Variants in PAPSS1 observed in about 807,000 individuals in gnomAD.
PAPSS1 encodes 3'-phosphoadenosine 5'-phosphosulfate synthase 1, also known as bifunctional 3'-phosphoadenosine 5'-phosphosulfate synthase 1.
In PAPSS1, 50 loss-of-function variants were observed where a neutral mutation model predicts 72.0. The observed-to-expected ratio is 0.69, with a 90% CI of 0.55 to 0.88. The LOEUF is 0.88. Among genes scored for constraint, PAPSS1 ranks in the 40% least tolerant of loss-of-function variants. The pLI is 0.00. For missense variants in PAPSS1, 657 were observed against 782.2 expected (o/e 0.84, Z 1.91); for synonymous variants, 261 against 263.6 (o/e 0.99, Z 0.09).
At chr4:107,685,743 G>GC (rs1259559956) in intron 4 of PAPSS1, among the ~76,000 whole-genome samples, 1 of 152,174 alleles carries the variant, frequency 6.6e-6, no homozygotes, top group Non-Finnish European at 1.5e-5. Flanking sequence ...TGACCTAATT[G>GC]CCAAAGCATT....
intron 5 of PAPSS1, among the ~76,000 whole-genome samples, chr4:107,673,039 T>A (rs1029048553): frequency 6.6e-6 from 1 of 152,050 alleles, no homozygotes; most frequent in Non-Finnish European, 1.5e-5. Context: ...AGAAAGGACA[T>A]CCACACCAAA....
intron 5 of PAPSS1, among the ~76,000 whole-genome samples, chr4:107,670,540 T>A (rs1327405690): frequency 1.3e-5 from 2 of 152,186 alleles, no homozygotes; most frequent in Non-Finnish European, 2.9e-5. Flanking sequence ...GCATTTTATT[T>A]TATTTATTTT....
chr4:107,645,688 T>G (rs1363063089), intron 9 of PAPSS1, among the ~76,000 whole-genome samples: 3 of 152,202 alleles, frequency 2.0e-5, no homozygotes, highest in Admixed American at 2.0e-4. Flanking sequence ...ACTGGTTAAC[T>G]CCTTATCTCC....
chr4:107,661,011 A>G (rs1727166494), intron 5 of PAPSS1, among the ~76,000 whole-genome samples: 1 of 152,226 alleles, frequency 6.6e-6, no homozygotes, highest in Admixed American at 6.5e-5. Context: ...AAACTCACCA[A>G]TAAGAAAATG....
chr4:107,719,552 A>G (rs953953269), intron 1 of PAPSS1, among the ~76,000 whole-genome samples: 1 of 152,228 alleles, frequency 6.6e-6, no homozygotes, highest in Non-Finnish European at 1.5e-5. Context: ...AAAGAACCTC[A>G]GTTCAGGGCA....
chr4:107,621,430 A>C (rs1013994241), intron 11 of PAPSS1, among the ~76,000 whole-genome samples: 2 of 152,022 alleles, frequency 1.3e-5, no homozygotes, highest in African/African-American at 4.8e-5. Flanking sequence ...TTGGTGACAT[A>C]GGTGTTAATT....
intron 5 of PAPSS1, 62 bp from the exon 6 acceptor site, chr4:107,660,134 G>T: frequency 1.2e-6 from 1 of 824,400 alleles, no homozygotes; most frequent in South Asian, 1.7e-5. Context: ...TCACCAAAGG[G>T]TATCTTAATG....
chr4:107,640,371 C>G (rs558655399), intron 10 of PAPSS1, among the ~76,000 whole-genome samples: 11 of 152,280 alleles, frequency 7.2e-5, no homozygotes, highest in African/African-American at 2.6e-4. Flanking sequence ...ATAGGCTTAA[C>G]AGCTGCCCAT....
intron 11 of PAPSS1, 33 bp from the exon 12 acceptor site, chr4:107,614,420 T>C (rs369211164): frequency 3.2e-6 from 5 of 1,557,142 alleles, no homozygotes; most frequent in Non-Finnish European, 4.4e-6. Flanking sequence ...AATTATTTCA[T>C]AATTTTAGAA....
Position 107,651,535 on chromosome 4 carries a change from G to A in PAPSS1, c.1237+1956C>T, listed in dbSNP as rs188795170. 1.5e-3 allele frequency among the ~76,000 whole-genome samples: 231 copies of A among 152,256 alleles called. 1 individual carries two copies. The highest frequency in any genetic ancestry group is 0.013 in the South Asian group (65 of 4,822). On this transcript the variant is annotated intron_variant, in intron 9 of 11. Coordinates refer to ENST00000265174, the MANE Select transcript of PAPSS1 (RefSeq NM_005443.5). The stretch of plus-strand genomic sequence containing the variant: ...TTCCACACAGCTGGGGAGGCCTCAG[G>A]AAACTTACAATCATGGTGGAAGGGG...
At chr4:107,651,681 G>A (rs1726843838) in intron 9 of PAPSS1, among the ~76,000 whole-genome samples, 1 of 152,080 alleles carries the variant, frequency 6.6e-6, no homozygotes, top group Non-Finnish European at 1.5e-5. Context: ...ATAGCATGGG[G>A]GAAGCCACCC....
intron 6 of PAPSS1, among the ~76,000 whole-genome samples, chr4:107,659,323 G>A (rs891891554): frequency 1.3e-5 from 2 of 151,834 alleles, no homozygotes; most frequent in African/African-American, 4.8e-5. Context: ...CACTTCCTTG[G>A]GTATTTTGGA....
At chr4:107,717,334 A>G (rs745484948) in intron 1 of PAPSS1, among the ~76,000 whole-genome samples, 6 of 151,778 alleles carry the variant, frequency 4.0e-5, no homozygotes, top group Non-Finnish European at 8.8e-5. Flanking sequence ...CAGGTTTAAA[A>G]TGGGTCCAGC....
rs376071785 is a variant in PAPSS1 at position 107,694,790 on chromosome 4, T to A, written c.176-784A>T. 4.1e-4 allele frequency among the ~76,000 whole-genome samples: 62 copies of A among 152,312 alleles called. 1 individual carries two copies. Among genetic ancestry groups the A allele is most frequent in the African/African-American group, 1.4e-3 (59 of 41,578 alleles). On this transcript the variant is annotated intron_variant, in intron 2 of 11. Transcript: ENST00000265174. The stretch of plus-strand genomic sequence containing the variant: ...ACCTTCCTATACCAACAGTATTTAC[T>A]CAGTAAACAAAGAGAAGGAAAGAGT...
intron 6 of PAPSS1, among the ~76,000 whole-genome samples, chr4:107,657,357 C>T (rs939583923): frequency 2.6e-5 from 4 of 152,166 alleles, no homozygotes; most frequent in Admixed American, 6.5e-5. Flanking sequence ...ATCTGTATTT[C>T]TAAAATGTTC....
chr4:107,667,116 G>C (rs915703278), intron 5 of PAPSS1, among the ~76,000 whole-genome samples: 6 of 152,130 alleles, frequency 3.9e-5, no homozygotes, highest in African/African-American at 1.2e-4. Context: ...GAGAGATTGA[G>C]TTCAATCACC....
At chr4:107,674,103 G>T (rs1196838319) in intron 5 of PAPSS1, among the ~76,000 whole-genome samples, 1 of 152,056 alleles carries the variant, frequency 6.6e-6, no homozygotes, top group Non-Finnish European at 1.5e-5. Context: ...GTGACAAATT[G>T]TAAAGACCGA....
At chr4:107,699,559 G>A (rs1723158076) in intron 2 of PAPSS1, among the ~76,000 whole-genome samples, 1 of 151,992 alleles carries the variant, frequency 6.6e-6, no homozygotes, top group South Asian at 2.1e-4. Flanking sequence ...AACGAAAATG[G>A]ATCTGTCCCT....
At chr4:107,692,559 T>C (rs1578426077) in intron 3 of PAPSS1, among the ~76,000 whole-genome samples, 2 of 152,174 alleles carry the variant, frequency 1.3e-5, no homozygotes, top group South Asian at 2.1e-4. Context: ...AGTTCAACCA[T>C]TGTGGAAGAC....
Sources: allele counts gnomAD v4.1 joint callset (sites outside exome capture counted in the v4.1 genomes callset), GRCh38; gene constraint gnomAD v4.1.1; transcripts MANE v1.5; gene names NCBI Gene and HGNC (gene_info 2026-07-23, HGNC 2026-07-21).